BRAF: variants seen among roughly 807,000 people sequenced by gnomAD.
BRAF encodes the protein B-Raf proto-oncogene, serine/threonine kinase.
BRAF carries 16 observed loss-of-function variants against 104.6 expected under a neutral mutation model. That is an observed-to-expected ratio of 0.15 (90% CI 0.10 to 0.23). BRAF has a LOEUF of 0.23. Ranked by LOEUF, BRAF falls within the 10% of genes least tolerant of loss-of-function variation. The probability of loss-of-function intolerance (pLI) is 1.00; values close to 1 mark genes in which losing one functional copy is unlikely to be tolerated. For synonymous variants in BRAF, 310 were observed against 341.6 expected (o/e 0.91, Z 1.02); for missense variants, 541 against 937.3 (o/e 0.58, Z 5.52).
intron 1 of BRAF, among the ~76,000 whole-genome samples, chr7:140,861,885 G>C (rs983269933): frequency 3.3e-5 from 5 of 152,014 alleles, no homozygotes; most frequent in Non-Finnish European, 7.4e-5. Flanking sequence ...AAAGAGGGAA[G>C]ATACTGAAGG....
chr7:140,810,708 G>A (rs2129049291), intron 3 of BRAF, among the ~76,000 whole-genome samples: 1 of 152,274 alleles, frequency 6.6e-6, no homozygotes, highest in Non-Finnish European at 1.5e-5. Flanking sequence ...GTCCATACTT[G>A]AAATCTCTCT....
intron 2 of BRAF, among the ~76,000 whole-genome samples, chr7:140,838,410 G>C (rs1159151979): frequency 6.6e-6 from 1 of 152,078 alleles, no homozygotes; most frequent in African/African-American, 2.4e-5. Context: ...GATAACCTGG[G>C]AGGCGGAGGT....
At chr7:140,714,370 A>G (rs866983948), downstream of BRAF, among the ~76,000 whole-genome samples, 3 of 152,154 alleles carry the variant, frequency 2.0e-5, no homozygotes, top group South Asian at 4.1e-4. Flanking sequence ...ATCTGTATCT[A>G]TGTATCTATT....
chr7:140,909,282 G>A (rs905380761), intron 1 of BRAF, among the ~76,000 whole-genome samples: 11 of 152,012 alleles, frequency 7.2e-5, no homozygotes, highest in East Asian at 1.9e-4. Context: ...AAAATTAGCC[G>A]GGCATGGTGG....
chr7:140,759,389 GTTAT>G (rs946485831), intron 14 of BRAF, among the ~76,000 whole-genome samples: 9 of 152,088 alleles, frequency 5.9e-5, no homozygotes, highest in African/African-American at 1.9e-4. Flanking sequence ...CTGATTATAG[GTTAT>G]TTATTTATTT....
intron 7 of BRAF, among the ~76,000 whole-genome samples, chr7:140,795,609 T>C (rs1228675321): frequency 2.6e-5 from 4 of 152,156 alleles, no homozygotes; most frequent in Admixed American, 2.0e-4. Context: ...AGCCTAACAG[T>C]GAAAGTCAGT....
chr7:140,755,939 G>A (rs1798166558), intron 14 of BRAF, among the ~76,000 whole-genome samples: 1 of 151,862 alleles, frequency 6.6e-6, no homozygotes, highest in Non-Finnish European at 1.5e-5. Flanking sequence ...AAAAACAAAT[G>A]GGCTTCAACC....
At position 140,719,539 on chromosome 7, in the gene BRAF, A is replaced by T; in HGVS notation, c.*6955T>A. On this transcript the variant is annotated 3_prime_UTR_variant, in exon 20 of 20. Coordinates refer to ENST00000644969, the MANE Select transcript of BRAF (RefSeq NM_001374258.1). ...ATTTTCTGTTATACAAATTTACATGAGAAAAACTCCAAAGTACAAATGAAG... is the reference window on the plus strand; with the variant it reads ...ATTTTCTGTTATACAAATTTACATGTGAAAAACTCCAAAGTACAAATGAAG... 9.6e-7 allele frequency: 1 copy of T among 1,046,578 alleles called. No individual in the cohort carries two copies. Among genetic ancestry groups the T allele is most frequent in the Non-Finnish European group, 1.2e-6 (1 of 864,928 alleles). The allele number at this position is 1,046,578 out of a possible 1,614,324, so 64.8% of individuals were successfully genotyped here.
At chr7:140,844,754 C>T (rs941062526) in intron 2 of BRAF, among the ~76,000 whole-genome samples, 4 of 152,138 alleles carry the variant, frequency 2.6e-5, no homozygotes, top group Admixed American at 2.6e-4. Flanking sequence ...GGTGAAACTC[C>T]GTCTCCACTA....
intron 19 of BRAF, among the ~76,000 whole-genome samples, chr7:140,728,283 C>A (rs894439164): frequency 6.6e-6 from 1 of 152,114 alleles, no homozygotes; most frequent in African/African-American, 2.4e-5. Context: ...AGATCATATA[C>A]AGAAAATTGC....
rs1290865946 is a variant in BRAF, at chr7:140,723,002, AATC to A, written c.*3489_*3491del. On this transcript the variant is annotated 3_prime_UTR_variant, in exon 20 of 20. Transcript: ENST00000644969. ...AGTACACAAAAAAGTTAAAATCTTA[AATC>A]ATCGTCATGTTCTAGAGCTCCTGAC... The A allele has an allele frequency of 9.5e-7, 1 of 1,053,464 alleles. No homozygotes were observed. 65.3% of individuals were successfully genotyped at this position (1,053,464 alleles called of 1,614,324 possible).
chr7:140,866,946 T>C (rs1189694109), intron 1 of BRAF, among the ~76,000 whole-genome samples: 1 of 152,200 alleles, frequency 6.6e-6, no homozygotes, highest in Non-Finnish European at 1.5e-5. Flanking sequence ...AAAAATCACC[T>C]ATTTCATTTG....
chr7:140,721,232 G>A lies in BRAF; in HGVS notation c.*5262C>T, dbSNP rs1171959020. 3.7e-6 allele frequency: 4 copies of A among 1,093,682 alleles called. No homozygotes were observed. In the African/African-American group the frequency reaches 6.5e-5, roughly 18 times the overall value. 67.7% of individuals were successfully genotyped at this position (1,093,682 alleles called of 1,614,324 possible). A position where few individuals can be genotyped will look rare whatever the true frequency, so the allele number is the denominator to read the frequency against. ...TAATTAATAAAACTTAACAGTTGAA[G>A]TTGTGGATGTTAAATAAAAGTACTT... On this transcript the variant is annotated 3_prime_UTR_variant, in exon 20 of 20. Transcript: ENST00000644969.
chr7:140,800,411 C>T lies in BRAF; in HGVS notation c.931G>A (p.Ala311Thr), dbSNP rs1452771445. The T allele has an allele frequency of 6.2e-7, 1 of 1,614,158 alleles. No homozygotes were observed. Among genetic ancestry groups the T allele is most frequent in the Non-Finnish European group, 8.5e-7 (1 of 1,180,018 alleles). Reference protein sequence around the residue: ...PQEEASLAETALTSGSSPSAP... With the variant: ...PQEEASLAETTLTSGSSPSAP... ...GAAGGGGATGATCCAGATGTTAGGG[C>T]AGTCTCTGCTAAGGACGCCTCTTCC... The change falls in exon 7 of 20, where the codon GCC (alanine) becomes ACC (threonine). Residue 311 changes from alanine to threonine, a missense_variant. Ala to Thr is a moderately conservative substitution (Grantham distance 58, BLOSUM62 0). Transcript: ENST00000644969.
At chr7:140,852,371 C>A (rs1282711757) in intron 1 of BRAF, among the ~76,000 whole-genome samples, 3 of 149,690 alleles carry the variant, frequency 2.0e-5, no homozygotes, top group Non-Finnish European at 4.4e-5. Context: ...TCAGTTTCTA[C>A]CGCCACCCCA....
intron 14 of BRAF, among the ~76,000 whole-genome samples, chr7:140,765,493 A>T (rs1799217314): frequency 6.6e-6 from 1 of 152,192 alleles, no homozygotes; most frequent in African/African-American, 2.4e-5. Flanking sequence ...AAAAGAAACT[A>T]CCATCAGAGT....
intron 13 of BRAF, 21 bp from the exon 13 acceptor site, chr7:140,777,109 G>A (rs1173800197): frequency 6.2e-7 from 1 of 1,610,350 alleles, no homozygotes; most frequent in Non-Finnish European, 8.5e-7. Flanking sequence ...AAATGTGACA[G>A]TAAACATTAA....
intron 18 of BRAF, among the ~76,000 whole-genome samples, chr7:140,736,000 T>C (rs1585938608): frequency 1.3e-5 from 2 of 151,460 alleles, no homozygotes; most frequent in East Asian, 3.9e-4. Flanking sequence ...TAGAAATGTA[T>C]AAAGAGTATA....
rs893028057 is a variant in BRAF, at chr7:140,799,631, T to C, written c.980+731A>G. ...CTATTCCCTAGGCCCGTTCAGATTG[T>C]AGTAATTCTTTAAAGTCTAGTTCAA... is the stretch of plus-strand genomic sequence containing the variant. On this transcript the variant is annotated intron_variant, in intron 7 of 19. Coordinates refer to ENST00000644969, the MANE Select transcript of BRAF (RefSeq NM_001374258.1). The C allele has an allele frequency of 1.9e-4, 45 of 232,988 alleles. 1 individual carries two copies. Among genetic ancestry groups the C allele is most frequent in the Admixed American group, 1.3e-3 (23 of 17,824 alleles). The allele number at this position is 232,988 out of a possible 1,614,324, so 14.4% of individuals were successfully genotyped here.
Sources: allele counts gnomAD v4.1 joint callset (sites outside exome capture counted in the v4.1 genomes callset), GRCh38; gene constraint gnomAD v4.1.1; transcripts MANE v1.5; gene names NCBI Gene and HGNC (gene_info 2026-07-23, HGNC 2026-07-21).